GPC5: variants seen among roughly 807,000 people sequenced by gnomAD.
GPC5 encodes the protein glypican 5.
Under a neutral mutation model 53.9 loss-of-function variants are expected in GPC5, and 47 were observed. The ratio of observed to expected loss-of-function variants is 0.87; its 90% CI spans 0.69 to 1.11. The LOEUF is 1.11. Ranked by LOEUF, GPC5 falls within the 50% of genes most tolerant of loss-of-function variation. The pLI, the probability that GPC5 is intolerant of heterozygous loss-of-function variation, is 0.00. For synonymous variants in GPC5, 286 were observed against 263.3 expected (o/e 1.09, Z -0.84); for missense variants, 748 against 713.1 (o/e 1.05, Z -0.56).
At chr13:92,101,276 T>C (rs942860206) in intron 6 of GPC5, among the ~76,000 whole-genome samples, 2 of 152,196 alleles carry the variant, frequency 1.3e-5, no homozygotes, top group Admixed American at 1.3e-4. Flanking sequence ...CTACTTAATA[T>C]GCAAAGCTAC....
In GPC5 at chr13:92,677,829, A is replaced by T. The variant is rs566142594; in HGVS notation, c.1562-188453A>T. Among the ~76,000 whole-genome samples the T allele has an allele frequency of 7.7e-4, 118 of 152,316 alleles. 1 individual carries two copies. Among genetic ancestry groups the T allele is most frequent in the African/African-American group, 2.5e-3 (105 of 41,588 alleles). On this transcript the variant is annotated intron_variant, in intron 7 of 7. Transcript: ENST00000377067. Reference sequence around the variant, plus strand: ...GTTTGCCCAGGAAATCTGGCACTCCACAATGAGAACAGGAACTGGGTGTCC... The same window carrying T: ...GTTTGCCCAGGAAATCTGGCACTCCTCAATGAGAACAGGAACTGGGTGTCC...
chr13:92,405,153 C>A (rs774239989), intron 7 of GPC5, among the ~76,000 whole-genome samples: 4 of 131,552 alleles, frequency 3.0e-5, no homozygotes, highest in African/African-American at 1.2e-4. Context: ...CTAATTCCAT[C>A]CAGTTCAGGG....
intron 7 of GPC5, among the ~76,000 whole-genome samples, chr13:92,834,561 A>T (rs145746786): frequency 6.6e-6 from 1 of 152,272 alleles, no homozygotes; most frequent in African/African-American, 2.4e-5. Context: ...GCTTCAAAAA[A>T]TCAATACAAT....
intron 2 of GPC5, among the ~76,000 whole-genome samples, chr13:91,482,748 A>G (rs940490059): frequency 2.6e-5 from 4 of 152,152 alleles, no homozygotes; most frequent in African/African-American, 7.2e-5. Flanking sequence ...TCTTATCAAC[A>G]TGGCATCTGT....
intron 2 of GPC5, among the ~76,000 whole-genome samples, chr13:91,637,970 A>G (rs989982718): frequency 2.0e-5 from 3 of 152,202 alleles, no homozygotes; most frequent in African/African-American, 7.2e-5. Context: ...TACTTGATAG[A>G]AAGGAATTGT....
chr13:92,777,756 T>G (rs1336419979), intron 7 of GPC5, among the ~76,000 whole-genome samples: 1 of 152,254 alleles, frequency 6.6e-6, no homozygotes, highest in East Asian at 1.9e-4. Context: ...CTGCCTCCTC[T>G]GTCTCTCCAG....
rs527492765 is a variant in GPC5, at chr13:91,784,632, G to A, written c.1280+28212G>A. ...CCAGCTACTTGGGAGGCTGAGGCAC[G>A]AGAATCGCTTGAACCTGGGAAGTGG... On this transcript the variant is annotated intron_variant, in intron 5 of 7. Coordinates refer to ENST00000377067, the MANE Select transcript of GPC5 (RefSeq NM_004466.6). 5.3e-5 allele frequency among the ~76,000 whole-genome samples: 8 copies of A among 151,596 alleles called. 1 individual carries two copies. Among genetic ancestry groups the A allele is most frequent in the African/African-American group, 1.9e-4 (8 of 41,222 alleles).
intron 4 of GPC5, among the ~76,000 whole-genome samples, chr13:91,738,041 A>G (rs1181810099): frequency 1.3e-5 from 2 of 151,410 alleles, no homozygotes; most frequent in Non-Finnish European, 2.9e-5. Context: ...TCTAGTGGGT[A>G]GTGAAGACAA....
chr13:92,145,992 A>C (rs1594781461), intron 7 of GPC5, among the ~76,000 whole-genome samples: 1 of 152,180 alleles, frequency 6.6e-6, no homozygotes, highest in East Asian at 1.9e-4. Context: ...TGGTTTTACA[A>C]GCCAAATATA....
intron 7 of GPC5, among the ~76,000 whole-genome samples, chr13:92,751,638 C>A (rs866810093): frequency 2.0e-4 from 30 of 151,614 alleles, no homozygotes; most frequent in Middle Eastern, 6.8e-3. Flanking sequence ...AGAAGATATA[C>A]CTAATGTAAA....
chr13:91,739,971 G>A (rs1257850548), intron 4 of GPC5, among the ~76,000 whole-genome samples: 10 of 151,242 alleles, frequency 6.6e-5, no homozygotes, highest in Non-Finnish European at 1.0e-4. Context: ...ACTGACACAG[G>A]GATAGAAGAG....
At chr13:91,629,154 T>C (rs2034089540) in intron 2 of GPC5, among the ~76,000 whole-genome samples, 1 of 152,158 alleles carries the variant, frequency 6.6e-6, no homozygotes, top group Non-Finnish European at 1.5e-5. Context: ...TGGTTCACAC[T>C]GAAGCAGGTC....
chr13:92,462,137 C>T (rs1878510041), intron 7 of GPC5, among the ~76,000 whole-genome samples: 2 of 152,084 alleles, frequency 1.3e-5, no homozygotes, highest in African/African-American at 2.4e-5. Flanking sequence ...AGAGTGACAG[C>T]GGAAGCCACT....
intron 7 of GPC5, among the ~76,000 whole-genome samples, chr13:92,378,320 A>T (rs2043711149): frequency 6.6e-6 from 1 of 152,222 alleles, no homozygotes; most frequent in African/African-American, 2.4e-5. Context: ...AGACGATTGT[A>T]TTATACAAAG....
At chr13:92,553,885 A>C (rs1882404879) in intron 7 of GPC5, among the ~76,000 whole-genome samples, 1 of 151,988 alleles carries the variant, frequency 6.6e-6, no homozygotes, top group Non-Finnish European at 1.5e-5. Flanking sequence ...CATAATCTAC[A>C]TACTTCATAT....
intron 4 of GPC5, among the ~76,000 whole-genome samples, chr13:91,733,737 A>G (rs1051696347): frequency 5.9e-5 from 9 of 152,180 alleles, no homozygotes; most frequent in African/African-American, 2.2e-4. Flanking sequence ...GGCTGAAATG[A>G]TGGGGTTTTC....
At chr13:92,243,322 A>G (rs182438350) in intron 7 of GPC5, among the ~76,000 whole-genome samples, 6 of 152,254 alleles carry the variant, frequency 3.9e-5, no homozygotes, top group Non-Finnish European at 8.8e-5. Context: ...TCACTTGTAT[A>G]TTCAAGAGAA....
intron 5 of GPC5, among the ~76,000 whole-genome samples, chr13:91,888,255 A>ACAG (rs1271959334): frequency 6.6e-6 from 1 of 152,148 alleles, no homozygotes; most frequent in Non-Finnish European, 1.5e-5. Flanking sequence ...GATCACAAGA[A>ACAG]CAGCACATGG....
intron 6 of GPC5, among the ~76,000 whole-genome samples, chr13:92,058,648 T>C (rs2041096019): frequency 6.6e-6 from 1 of 152,118 alleles, no homozygotes. Flanking sequence ...GTTCAAGCAA[T>C]TCTCCCTGCC....
Sources: allele counts gnomAD v4.1 joint callset (sites outside exome capture counted in the v4.1 genomes callset), GRCh38; gene constraint gnomAD v4.1.1; transcripts MANE v1.5; gene names NCBI Gene and HGNC (gene_info 2026-07-23, HGNC 2026-07-21).